Variants in SDK1 observed in about 807,000 individuals in gnomAD.
SDK1 encodes protein sidekick-1.
SDK1 carries 157 observed loss-of-function variants against 245.5 expected under a neutral mutation model. That is an observed-to-expected ratio of 0.64 (90% CI 0.56 to 0.73). SDK1 has a LOEUF of 0.73. SDK1 is among the 30% of genes least tolerant of loss of function. SDK1 has a pLI of 0.00. For missense variants in SDK1, 3,583 were observed against 3,002.3 expected, an observed-to-expected ratio of 1.19 and a Z score of -4.52; for synonymous variants, 1,647 against 1,278.5, an observed-to-expected ratio of 1.29 and a Z score of -6.15.
chr7:3,936,858 T>C (rs1369256306), intron 5 of SDK1, among the ~76,000 whole-genome samples: 1 of 151,462 alleles, frequency 6.6e-6, no homozygotes, highest in Non-Finnish European at 1.5e-5. Context: ...GCAGTAGGGG[T>C]GGGGACGAGT....
chr7:3,567,530 A>C (rs1779963908), intron 1 of SDK1, among the ~76,000 whole-genome samples: 1 of 152,256 alleles, frequency 6.6e-6, no homozygotes, highest in Non-Finnish European at 1.5e-5. Flanking sequence ...CTACCACAGT[A>C]AATGGAAAAA....
intron 1 of SDK1, among the ~76,000 whole-genome samples, chr7:3,483,395 A>G (rs1781577958): frequency 6.6e-6 from 1 of 152,148 alleles, no homozygotes; most frequent in Admixed American, 6.5e-5. Context: ...TTGAAGATGT[A>G]AGAAGGCTGT....
rs533363750 is a variant in SDK1, at chr7:3,741,743, T to C, written c.714-79707T>C. ...GAACTATTGGGATGGACGTACTTGA[T>C]TGTTTCAGTTTCACTCCTGTGCAAA... is the stretch of plus-strand genomic sequence containing the variant. On this transcript the variant is annotated intron_variant, in intron 4 of 44. Coordinates refer to ENST00000404826, the MANE Select transcript of SDK1 (RefSeq NM_152744.4). 3.0e-4 allele frequency among the ~76,000 whole-genome samples: 45 copies of C among 152,198 alleles called. No homozygotes were observed. In the South Asian group the frequency reaches 8.7e-3, roughly 29 times the overall value.
At chr7:3,403,112 T>C (rs531063725) in intron 1 of SDK1, among the ~76,000 whole-genome samples, 9 of 152,268 alleles carry the variant, frequency 5.9e-5, no homozygotes, top group African/African-American at 2.2e-4. Context: ...TTTTGTATTT[T>C]TAGTAGAAAC....
rs558544846 is a variant in SDK1 at position 3,872,867 on chromosome 7, C to A, written c.847+51284C>A. 5.3e-5 allele frequency among the ~76,000 whole-genome samples: 8 copies of A among 152,228 alleles called. 2 individuals are homozygous for A. Among genetic ancestry groups the A allele is most frequent in the African/African-American group, 1.9e-4 (8 of 41,572 alleles). On this transcript the variant is annotated intron_variant, in intron 5 of 44. Transcript: ENST00000404826. ...ATAAGGACCTTATAACAGTGTATTTCTAATTCCCCTCTCCCATTCCTTCTA... is the reference window on the plus strand; with the variant it reads ...ATAAGGACCTTATAACAGTGTATTTATAATTCCCCTCTCCCATTCCTTCTA...
At chr7:3,461,131 A>AGAGCAATC (rs2128594846) in intron 1 of SDK1, among the ~76,000 whole-genome samples, 1 of 152,244 alleles carries the variant, frequency 6.6e-6, no homozygotes, top group South Asian at 2.1e-4. Context: ...ACCAATTAGG[A>AGAGCAATC]GAGCAATCTA....
At chr7:3,749,458 C>T (rs934841598) in intron 4 of SDK1, among the ~76,000 whole-genome samples, 3 of 152,204 alleles carry the variant, frequency 2.0e-5, no homozygotes, top group Non-Finnish European at 2.9e-5. Context: ...TACCACCACG[C>T]CTGGCTAATT....
At chr7:3,892,222 A>G (rs1001603167) in intron 5 of SDK1, among the ~76,000 whole-genome samples, 1 of 152,212 alleles carries the variant, frequency 6.6e-6, no homozygotes, top group African/African-American at 2.4e-5. Flanking sequence ...CTTTTGCTGC[A>G]GTAACTAGCA....
intron 5 of SDK1, among the ~76,000 whole-genome samples, chr7:3,870,992 C>T (rs950398923): frequency 3.9e-5 from 6 of 152,272 alleles, no homozygotes; most frequent in Admixed American, 6.5e-5. Flanking sequence ...TCAAATTGGA[C>T]GAAGTTGACA....
chr7:4,024,555 C>A (rs968185291), intron 17 of SDK1, among the ~76,000 whole-genome samples: 1 of 152,224 alleles, frequency 6.6e-6, no homozygotes. Context: ...ACAGGAAGCT[C>A]ATGCTTTAGG....
intron 4 of SDK1, among the ~76,000 whole-genome samples, chr7:3,733,932 A>C (rs1779250081): frequency 6.7e-6 from 1 of 150,102 alleles, no homozygotes; most frequent in African/African-American, 2.5e-5. Context: ...GAGATCTCCA[A>C]AGACTGAGCC....
chr7:3,968,395 C>T (rs1009040194), intron 10 of SDK1, among the ~76,000 whole-genome samples: 3 of 152,156 alleles, frequency 2.0e-5, no homozygotes, highest in Non-Finnish European at 4.4e-5. Context: ...TGGGCTGTAT[C>T]GGGCTGACAT....
At position 3,644,773 on chromosome 7, in the gene SDK1, CA is replaced by C. The variant is rs34276127; in HGVS notation, c.713+2687del. On this transcript the variant is annotated intron_variant, in intron 4 of 44. Transcript: ENST00000404826. ...GGGTGACAGAGCAAGACCCTGTCTC[CA>C]AAAAAAAAAAAAAAAAAACAAAAAA... 6.4e-3 allele frequency among the ~76,000 whole-genome samples: 257 copies of C among 40,046 alleles called. 2 individuals carry two copies. Among genetic ancestry groups the C allele is most frequent in the African/African-American group, 0.022 (222 of 10,278 alleles). The allele number at this position is 40,046 out of a possible 152,430, so 26.3% of individuals were successfully genotyped here.
chr7:3,834,308 T>C (rs752750614), intron 5 of SDK1, among the ~76,000 whole-genome samples: 2 of 152,206 alleles, frequency 1.3e-5, no homozygotes, highest in Non-Finnish European at 2.9e-5. Context: ...TTGGTGAATA[T>C]GACATGTGGT....
intron 1 of SDK1, among the ~76,000 whole-genome samples, chr7:3,459,195 T>G (rs1326476034): frequency 6.6e-6 from 1 of 152,208 alleles, no homozygotes; most frequent in African/African-American, 2.4e-5. Flanking sequence ...ATGAGAAGTT[T>G]TGTCTATTCT....
intron 17 of SDK1, among the ~76,000 whole-genome samples, chr7:4,018,442 G>A (rs1283383002): frequency 1.3e-5 from 2 of 152,152 alleles, no homozygotes; most frequent in African/African-American, 4.8e-5. Context: ...GCGACTAGAA[G>A]AAATATTTAA....
chr7:3,636,488 T>G (rs12540148), intron 2 of SDK1, among the ~76,000 whole-genome samples: 37,848 of 152,180 alleles, frequency 0.25, 5,686 homozygotes, highest in Non-Finnish European at 0.34. Context: ...CTGGTTTACT[T>G]CACTTAGATG....
chr7:4,101,307 C>T (rs565801454), intron 22 of SDK1, among the ~76,000 whole-genome samples: 17 of 152,196 alleles, frequency 1.1e-4, no homozygotes, highest in East Asian at 5.8e-4. Flanking sequence ...ACACCACGCC[C>T]GGCTAATTTT....
At chr7:3,545,570 C>T (rs186097658) in intron 1 of SDK1, among the ~76,000 whole-genome samples, 1 of 152,322 alleles carries the variant, frequency 6.6e-6, no homozygotes, top group East Asian at 1.9e-4. Flanking sequence ...GGAGCCATTT[C>T]ATCCTAGCAC....
Sources: gnomAD v4.1 joint callset for allele counts (sites outside exome capture counted in the v4.1 genomes callset) on GRCh38, gnomAD v4.1.1 for gene constraint, MANE v1.5 for transcripts, NCBI Gene and HGNC (gene_info 2026-07-23, HGNC 2026-07-21) for gene names.